TRAPPC9: variants seen among roughly 807,000 people sequenced by gnomAD.
TRAPPC9 encodes IKK2 binding protein.
In TRAPPC9, 83 loss-of-function variants were observed where a neutral mutation model predicts 124.0. The observed-to-expected ratio is 0.67, with a 90% CI of 0.56 to 0.80. The LOEUF (loss-of-function observed/expected upper bound fraction) is 0.80. Ranked by LOEUF, TRAPPC9 falls within the 30% of genes least tolerant of loss-of-function variation. The pLI, the probability that TRAPPC9 is intolerant of heterozygous loss-of-function variation, is 0.00. For missense variants in TRAPPC9, 1,302 were observed against 1,508.3 expected, an observed-to-expected ratio of 0.86 and a Z score of 2.27; for synonymous variants, 638 against 617.5, an observed-to-expected ratio of 1.03 and a Z score of -0.49.
intron 17 of TRAPPC9, among the ~76,000 whole-genome samples, chr8:140,193,985 A>G (rs2062567360): frequency 6.6e-6 from 1 of 152,218 alleles, no homozygotes; most frequent in Admixed American, 6.5e-5. Context: ...CAGAAAACAC[A>G]GGGTCCAGTC....
chr8:140,195,222 C>T (rs1222727124), intron 17 of TRAPPC9, among the ~76,000 whole-genome samples: 1 of 150,716 alleles, frequency 6.6e-6, no homozygotes, highest in Admixed American at 6.6e-5. Flanking sequence ...ACTCAATGAT[C>T]CACCGTACAG....
intron 21 of TRAPPC9, among the ~76,000 whole-genome samples, chr8:139,797,974 T>A (rs767454375): frequency 6.6e-6 from 1 of 152,246 alleles, no homozygotes; most frequent in Non-Finnish European, 1.5e-5. Context: ...TTATTTTTGC[T>A]ATTCTGAGTT....
chr8:140,316,714 T>C (rs938294583), intron 9 of TRAPPC9, among the ~76,000 whole-genome samples: 4 of 152,172 alleles, frequency 2.6e-5, no homozygotes, highest in African/African-American at 9.7e-5. Context: ...TTAGTTTTCT[T>C]TTGTTGATGG....
At chr8:140,189,257 A>T (rs1453362816) in intron 17 of TRAPPC9, among the ~76,000 whole-genome samples, 1 of 152,196 alleles carries the variant, frequency 6.6e-6, no homozygotes, top group African/African-American at 2.4e-5. Context: ...GTCTCCAGGA[A>T]TTCCTCCTGC....
At chr8:140,287,523 G>A (rs1053638897) in intron 13 of TRAPPC9, 85 bp downstream of exon 13, 16 of 1,555,478 alleles carry the variant, frequency 1.0e-5, no homozygotes, top group African/African-American at 6.8e-5. Context: ...CTGGCATGAC[G>A]GGCGATCGGC....
rs56748881 is a variant in TRAPPC9, at chr8:140,163,466, G to A, written c.2556+57993C>T. On this transcript the variant is annotated intron_variant, in intron 17 of 22. Transcript: ENST00000438773. ...TGGTATTGCCATTTTCCACCAAAGC[G>A]AATCAATTCCAAGTCTGCTGCTATC... Among the ~76,000 whole-genome samples, 619 of 152,286 alleles carry A rather than the reference G, an allele frequency of 4.1e-3. 5 individuals carry two copies. Among genetic ancestry groups the A allele is most frequent in the African/African-American group, 0.014 (596 of 41,548 alleles).
At chr8:139,979,406 T>C (rs971570784) in intron 19 of TRAPPC9, among the ~76,000 whole-genome samples, 1 of 151,838 alleles carries the variant, frequency 6.6e-6, no homozygotes, top group Non-Finnish European at 1.5e-5. Flanking sequence ...AGGACCAAGG[T>C]GGTGGGAAGG....
At chr8:140,161,751 A>T (rs1167412310) in intron 17 of TRAPPC9, among the ~76,000 whole-genome samples, 1 of 152,112 alleles carries the variant, frequency 6.6e-6, no homozygotes, top group African/African-American at 2.4e-5. Context: ...CAGGGCCACA[A>T]GAGAGGCACG....
intron 7 of TRAPPC9, among the ~76,000 whole-genome samples, chr8:140,387,511 C>T (rs897581093): frequency 1.3e-5 from 2 of 152,006 alleles, no homozygotes; most frequent in Non-Finnish European, 2.9e-5. Context: ...CTACAATGAA[C>T]TCAAACAAAT....
chr8:139,794,565 C>T (rs542868628), intron 21 of TRAPPC9, among the ~76,000 whole-genome samples: 2 of 152,322 alleles, frequency 1.3e-5, no homozygotes, highest in Non-Finnish European at 2.9e-5. Context: ...CAGGGACACA[C>T]TTAGGGAAAG....
At chr8:140,161,897 G>A (rs2061757603) in intron 17 of TRAPPC9, among the ~76,000 whole-genome samples, 1 of 152,176 alleles carries the variant, frequency 6.6e-6, no homozygotes, top group Non-Finnish European at 1.5e-5. Context: ...GCGGCATGGT[G>A]CAGAGACACA....
At chr8:140,065,972 C>T (rs1158519228) in intron 17 of TRAPPC9, among the ~76,000 whole-genome samples, 2 of 152,198 alleles carry the variant, frequency 1.3e-5, no homozygotes, top group African/African-American at 4.8e-5. Context: ...GATAGTGATT[C>T]CTCCGATGGA....
chr8:139,806,814 C>T (rs1342237884), intron 21 of TRAPPC9, among the ~76,000 whole-genome samples: 1 of 152,250 alleles, frequency 6.6e-6, no homozygotes, highest in African/African-American at 2.4e-5. Context: ...TAGGATCCTG[C>T]TTCTCATGAT....
At chr8:139,792,957 A>T (rs1822802698) in intron 21 of TRAPPC9, among the ~76,000 whole-genome samples, 1 of 152,212 alleles carries the variant, frequency 6.6e-6, no homozygotes, top group Non-Finnish European at 1.5e-5. Context: ...ACAGTTCCAC[A>T]GAGCAGCTCC....
chr8:139,887,743 G>A (rs536174989), intron 20 of TRAPPC9, among the ~76,000 whole-genome samples: 1 of 152,328 alleles, frequency 6.6e-6, no homozygotes, highest in Admixed American at 6.5e-5. Context: ...GCTAGACACG[G>A]TCATCTTCCT....
chr8:140,245,086 G>A (rs373620691), intron 16 of TRAPPC9, among the ~76,000 whole-genome samples: 11 of 152,126 alleles, frequency 7.2e-5, no homozygotes, highest in Admixed American at 2.0e-4. Context: ...TTACAGGCAC[G>A]AGCCACCGCG....
intron 17 of TRAPPC9, among the ~76,000 whole-genome samples, chr8:140,156,271 C>T (rs748944462): frequency 1.3e-5 from 2 of 152,174 alleles, no homozygotes; most frequent in Non-Finnish European, 1.5e-5. Context: ...AGCAAGGTGA[C>T]GGAAGCATTC....
At chr8:140,031,983 G>A (rs901412780) in intron 17 of TRAPPC9, among the ~76,000 whole-genome samples, 3 of 152,146 alleles carry the variant, frequency 2.0e-5, no homozygotes, top group Non-Finnish European at 2.9e-5. Context: ...CAGAACCTGG[G>A]ACCCCCAACC....
intron 19 of TRAPPC9, among the ~76,000 whole-genome samples, chr8:139,922,775 G>C (rs1832591362): frequency 6.6e-6 from 1 of 152,198 alleles, no homozygotes; most frequent in South Asian, 2.1e-4. Context: ...GCAGGCGAGA[G>C]GTAAAGGACG....
Sources: allele counts gnomAD v4.1 joint callset (sites outside exome capture counted in the v4.1 genomes callset), GRCh38; gene constraint gnomAD v4.1.1; transcripts MANE v1.5; gene names NCBI Gene and HGNC (gene_info 2026-07-23, HGNC 2026-07-21).